The following MRC1 variants were observed in gnomAD, a reference collection of about 807,000 sequenced individuals.
MRC1 encodes macrophage mannose receptor 1.
A neutral mutation model predicts 102.9 loss-of-function variants in MRC1; 62 were observed. That is an observed-to-expected ratio of 0.60 (90% CI 0.49 to 0.74). The LOEUF is 0.74. MRC1 is among the 30% of genes least tolerant of loss of function. The pLI is 0.00. For synonymous variants in MRC1, 457 were observed against 298.4 expected (o/e 1.53, Z -5.48); for missense variants, 1,237 against 862.8 (o/e 1.43, Z -5.43).
At chr10:17,884,052 G>A (rs963439980) in intron 21 of MRC1, among the ~76,000 whole-genome samples, 3 of 152,208 alleles carry the variant, frequency 2.0e-5, no homozygotes, top group East Asian at 1.9e-4. Context: ...CTGCAGCCTC[G>A]ACCTCCTGGG....
chr10:17,879,160 T>A (rs1453270205), intron 18 of MRC1, among the ~76,000 whole-genome samples: 1 of 151,950 alleles, frequency 6.6e-6, no homozygotes, highest in Non-Finnish European at 1.5e-5. Flanking sequence ...GTAATCAGGG[T>A]CTCCACTTTG....
intron 11 of MRC1, 103 bp downstream of exon 11, chr10:17,863,785 G>A: frequency 1.5e-6 from 1 of 681,462 alleles, no homozygotes; most frequent in South Asian, 1.8e-5. Flanking sequence ...AGGTAAATTA[G>A]TCATGCTTTT....
intron 22 of MRC1, among the ~76,000 whole-genome samples, chr10:17,887,446 A>G (rs1833614754): frequency 6.6e-6 from 1 of 152,182 alleles, no homozygotes; most frequent in South Asian, 2.1e-4. Context: ...ATGGGTAAAT[A>G]ATTTTCTGTG....
intron 4 of MRC1, among the ~76,000 whole-genome samples, chr10:17,834,866 G>T (rs1163404606): frequency 1.3e-5 from 2 of 152,152 alleles, no homozygotes; most frequent in Non-Finnish European, 1.5e-5. Context: ...GGGAGCAAAA[G>T]CATCCCCGAT....
At chr10:17,893,765 A>G (rs1422254587) in intron 22 of MRC1, among the ~76,000 whole-genome samples, 9 of 152,220 alleles carry the variant, frequency 5.9e-5, no homozygotes, top group Non-Finnish European at 1.2e-4. Context: ...GCCACATACT[A>G]TGAATCTATA....
At chr10:17,892,824 A>T (rs1833698390) in intron 22 of MRC1, among the ~76,000 whole-genome samples, 3 of 151,958 alleles carry the variant, frequency 2.0e-5, no homozygotes, top group Admixed American at 2.0e-4. Flanking sequence ...ATCCTGGCCA[A>T]CATGGTGAAA....
chr10:17,895,837 A>ACAGCAG (rs1833747220), intron 23 of MRC1, among the ~76,000 whole-genome samples: 1 of 152,258 alleles, frequency 6.6e-6, no homozygotes, highest in African/African-American at 2.4e-5. Flanking sequence ...GCAACAGTGC[A>ACAGCAG]CAGCAGCAGC....
At chr10:17,868,591 G>T (rs1349571362) in intron 12 of MRC1, among the ~76,000 whole-genome samples, 2 of 152,172 alleles carry the variant, frequency 1.3e-5, no homozygotes, top group Non-Finnish European at 2.9e-5. Context: ...ACTGCTTAAT[G>T]ATACTGTTTT....
intron 23 of MRC1, among the ~76,000 whole-genome samples, chr10:17,896,458 A>C (rs1833756883): frequency 6.6e-6 from 1 of 152,068 alleles, no homozygotes; most frequent in African/African-American, 2.4e-5. Context: ...AAGAGGGGAC[A>C]CTCCTTCCAG....
chr10:17,880,727 T>A, intron 20 of MRC1, 57 bp downstream of exon 20: 1 of 778,174 alleles, frequency 1.3e-6, no homozygotes, highest in Non-Finnish European at 2.4e-6. Context: ...GTGATGCAAA[T>A]CTTTCAGCTC....
At position 17,863,593 on chromosome 10, in the gene MRC1, C is replaced by T; in HGVS notation, c.1694C>T (p.Thr565Ile). 1.3e-6 allele frequency: 1 copy of T among 780,818 alleles called. No individual in the cohort carries two copies. The highest frequency in any genetic ancestry group is 1.3e-5 in the South Asian group (1 of 74,616). 48.4% of individuals were successfully genotyped at this position (780,818 alleles called of 1,614,324 possible). ...VGLRPEKYFWTGLSDIQTKGT... is the reference protein window; with the variant it reads ...VGLRPEKYFWIGLSDIQTKGT... ...TTAAGGCCTGAAAAATATTTCTGGA[C>T]AGGACTTTCAGATATACAAACCAAA... Residue 565 changes from threonine (T) to isoleucine (I), a missense_variant, in exon 11 of 30, where the codon ACA becomes ATA. Thr to Ile is a moderately conservative substitution (Grantham distance 89). Coordinates refer to ENST00000569591, the MANE Select transcript of MRC1 (RefSeq NM_002438.4).
At chr10:17,903,382 C>CTTTTTTTTTTTTTTTTTTTTTTTTTTTT (rs1210207060) in intron 26 of MRC1, among the ~76,000 whole-genome samples, 1 of 125,052 alleles carries the variant, frequency 8.0e-6, no homozygotes, top group Non-Finnish European at 1.7e-5. Context: ...TTTTTCTTTT[C>CTTTTTTTTTTTTTTTTTTTTTTTTTTTT]TTTTTTTTTC....
At position 17,852,992 on chromosome 10, in the gene MRC1, C is replaced by A; in HGVS notation, c.1275C>A (p.Gly425=). 1.3e-6 allele frequency: 1 copy of A among 780,786 alleles called. No homozygotes were observed. The highest frequency in any genetic ancestry group is 1.3e-5 in the South Asian group (1 of 74,606). The allele number at this position is 780,786 out of a possible 1,614,324, so 48.4% of individuals were successfully genotyped here. ...AGCCAAATGACGAATTGTGGATCGG[C>A]TTAAATGACATTAAGATTCAAATGT... ...GYEPNDELWI[G]LNDIKIQMYF... The change falls in exon 8 of 30, where the codon GGC becomes GGA. Residue 425 remains glycine (G), a synonymous_variant. Transcript: ENST00000569591.
chr10:17,871,103 T>C (rs1833349189), intron 14 of MRC1, among the ~76,000 whole-genome samples, 168 bp downstream of exon 14: 2 of 152,182 alleles, frequency 1.3e-5, no homozygotes, highest in Non-Finnish European at 2.9e-5. Flanking sequence ...GCGTGTTTTA[T>C]ACCCTCTTTT....
rs930770501 is a variant in MRC1 at position 17,824,818 on chromosome 10, G to A, written c.463+1343G>A. Among the ~76,000 whole-genome samples the A allele has an allele frequency of 4.6e-5, 7 of 152,114 alleles. 1 individual carries two copies. The highest frequency in any genetic ancestry group is 1.7e-4 in the African/African-American group (7 of 41,522). ...ATTTTATTTTAAAATATAATATTATGCTTCCCTCACCCCCTACCCTTTCTG... is the reference window on the plus strand; with the variant it reads ...ATTTTATTTTAAAATATAATATTATACTTCCCTCACCCCCTACCCTTTCTG... On this transcript the variant is annotated intron_variant, in intron 2 of 29. Transcript: ENST00000569591.
Position 17,866,660 on chromosome 10 carries a change from T to C in MRC1, c.1882T>C (p.Trp628Arg). 2 of 780,814 alleles carry C rather than the reference T, an allele frequency of 2.6e-6. No homozygotes were observed. Among genetic ancestry groups the C allele is most frequent in the South Asian group, 2.7e-5 (2 of 74,618 alleles). The allele number at this position is 780,814 out of a possible 1,614,324, so 48.4% of individuals were successfully genotyped here. A position where few individuals can be genotyped will look rare whatever the true frequency, so the allele number is the denominator to read the frequency against. ...AAAGGCAAAATTTGTGTGCAAGCAC[T>C]GGGCAGAAGGAGTAACCCACCCACC... ...DEKAKFVCKH[W>R]AEGVTHPPKP... Residue 628 changes from tryptophan (W) to arginine (R), a missense_variant, in exon 12 of 30, where the codon TGG becomes CGG. Transcript: ENST00000569591.
chr10:17,841,237 C>G (rs1218586990), intron 5 of MRC1, among the ~76,000 whole-genome samples: 3 of 152,194 alleles, frequency 2.0e-5, no homozygotes, highest in Admixed American at 6.6e-5. Context: ...TAAAGTTTGA[C>G]AAGTGGATTG....
intron 11 of MRC1, 73 bp from the exon 12 acceptor site, chr10:17,866,489 G>T: frequency 1.3e-6 from 1 of 780,712 alleles, no homozygotes; most frequent in Non-Finnish European, 2.4e-6. Context: ...TCGGTTCTGA[G>T]TGCCTTCTGT....
At chr10:17,859,801 G>T (rs891479949) in intron 9 of MRC1, among the ~76,000 whole-genome samples, 1 of 152,108 alleles carries the variant, frequency 6.6e-6, no homozygotes, top group Non-Finnish European at 1.5e-5. Flanking sequence ...TTTTGGCTGT[G>T]GGTTCCCATA....
Sources: allele counts gnomAD v4.1 joint callset (sites outside exome capture counted in the v4.1 genomes callset), GRCh38; gene constraint gnomAD v4.1.1; transcripts MANE v1.5; gene names NCBI Gene and HGNC (gene_info 2026-07-23, HGNC 2026-07-21).